Variants in FREM3 observed in about 807,000 individuals in gnomAD.
FREM3 encodes FRAS1 related extracellular matrix 3.
Under a neutral mutation model 129.1 loss-of-function variants are expected in FREM3, and 105 were observed. The ratio of observed to expected loss-of-function variants is 0.81; its 90% CI spans 0.69 to 0.96. FREM3 has a LOEUF of 0.96. Ranked by LOEUF, FREM3 falls within the 40% of genes least tolerant of loss-of-function variation. The probability of loss-of-function intolerance (pLI) is 0.00; values close to 1 mark genes in which losing one functional copy is unlikely to be tolerated. For missense variants in FREM3, 2,593 were observed against 2,666.3 expected, an observed-to-expected ratio of 0.97 and a Z score of 0.61; for synonymous variants, 1,014 against 1,044.9, an observed-to-expected ratio of 0.97 and a Z score of 0.57.
chr4:143,623,496 C>A lies in FREM3; in HGVS notation c.5653+612G>T, dbSNP rs961288958. Among the ~76,000 whole-genome samples, 6 of 87,892 alleles carry A rather than the reference C, an allele frequency of 6.8e-5. No individual in the cohort carries two copies. In the East Asian group the frequency reaches 1.0e-3, roughly 15 times the overall value. 57.7% of individuals were successfully genotyped at this position (87,892 alleles called of 152,430 possible). ...GAAATTCAAAGATGAATACTAATCC[C>A]CCCCCCCCCCCACCATTTAGGGAAT... On this transcript the variant is annotated intron_variant, in intron 4 of 7. Coordinates refer to ENST00000329798, the MANE Select transcript of FREM3 (RefSeq NM_001168235.2).
intron 6 of FREM3, among the ~76,000 whole-genome samples, chr4:143,593,595 A>T (rs1294017109): frequency 6.6e-6 from 1 of 152,164 alleles, no homozygotes; most frequent in African/African-American, 2.4e-5. Context: ...TTCCTCTGGA[A>T]GTTTTGTCTC....
chr4:143,617,755 G>C (rs1738876977), intron 5 of FREM3, among the ~76,000 whole-genome samples: 1 of 152,202 alleles, frequency 6.6e-6, no homozygotes, highest in Non-Finnish European at 1.5e-5. Context: ...TTTCTCCTTA[G>C]CTAGCTGATC....
chr4:143,637,024 G>A lies in FREM3; in HGVS notation c.5276-9264C>T, dbSNP rs138641287. Among the ~76,000 whole-genome samples the A allele has an allele frequency of 6.0e-3, 918 of 152,208 alleles. 3 individuals carry two copies. The highest frequency in any genetic ancestry group is 0.01 in the Non-Finnish European group (705 of 68,004). On this transcript the variant is annotated intron_variant, in intron 2 of 7. Coordinates refer to ENST00000329798, the MANE Select transcript of FREM3 (RefSeq NM_001168235.2). ...TTTTCAAATAGCTTCATTGTCATAA[G>A]CATTTAGCTTCTACAGCTCACACCA...
At position 143,698,641 on chromosome 4, in the gene FREM3, C is replaced by G. The variant is rs1464551077; in HGVS notation, c.2035G>C (p.Asp679His). The G allele has an allele frequency of 6.5e-7, 1 of 1,537,768 alleles. No homozygotes were observed. Among genetic ancestry groups the G allele is most frequent in the South Asian group, 1.2e-5 (1 of 84,050 alleles). The change falls in exon 1 of 8, where the codon GAC becomes CAC. Residue 679 changes from aspartate to histidine, a missense_variant. Transcript: ENST00000329798. ...MVQLAFHVQDDHDPPNLSKQH... is the reference protein window; with the variant it reads ...MVQLAFHVQDHHDPPNLSKQH... ...TTGGAGAGATTGGGTGGGTCATGGTCATCCTGCACATGGAAAGCCAGCTGG... is the reference window on the plus strand; with the variant it reads ...TTGGAGAGATTGGGTGGGTCATGGTGATCCTGCACATGGAAAGCCAGCTGG...
chr4:143,636,210 TAAAGAAAAAA>T (rs923986758), intron 2 of FREM3, among the ~76,000 whole-genome samples: 1 of 147,106 alleles, frequency 6.8e-6, no homozygotes, highest in African/African-American at 2.5e-5. Context: ...CCTAATGTTC[TAAAGAAAAAA>T]AAAGAAAGGA....
intron 2 of FREM3, among the ~76,000 whole-genome samples, chr4:143,660,769 G>A (rs1418802915): frequency 3.3e-5 from 5 of 151,980 alleles, no homozygotes; most frequent in Non-Finnish European, 4.4e-5. Flanking sequence ...TTGAGCAGTG[G>A]TTTGTAGTTC....
At position 143,695,793 on chromosome 4, in the gene FREM3, G is replaced by A. The variant is rs1740555044; in HGVS notation, c.4883C>T (p.Thr1628Ile). The A allele has an allele frequency of 6.5e-7, 1 of 1,537,172 alleles. No homozygotes were observed. Among genetic ancestry groups the A allele is most frequent in the South Asian group, 1.2e-5 (1 of 84,062 alleles). Residue 1628 changes from threonine to isoleucine, a missense_variant, in exon 1 of 8, where the codon ACT becomes ATT. Physicochemically the swap from Thr to Ile is moderately conservative, Grantham distance 89 (BLOSUM62 -1). This residue lies in a region of FREM3 where 2,276 missense variants were observed against 2,267.2 expected (regional missense o/e 1.00). Transcript: ENST00000329798. ...DSFSLTVTDGTHTDFYVLPDT... is the reference protein window; with the variant it reads ...DSFSLTVTDGIHTDFYVLPDT... ...TGGTAGGACATAGAAATCAGTGTGA[G>A]TGCCGTCTGTCACAGTCAAGGAGAA...
intron 2 of FREM3, among the ~76,000 whole-genome samples, chr4:143,689,280 C>A (rs1714601470): frequency 6.6e-6 from 1 of 152,018 alleles, no homozygotes; most frequent in Non-Finnish European, 1.5e-5. Context: ...AAAAAATGCC[C>A]AACATCACTA....
rs562644174 is a variant in FREM3, at chr4:143,585,094, C to A, written c.6178+750G>T. ...TTTGAAACTAATGAGAACAAAGATA[C>A]AACATACCAGAACTTCTGGGACACA... is the stretch of plus-strand genomic sequence containing the variant. On this transcript the variant is annotated intron_variant, in intron 7 of 7. Transcript: ENST00000329798. The surrounding 1 kb of genome is among the most constrained non-coding windows in gnomAD (Gnocchi z 4.2). Among the ~76,000 whole-genome samples the A allele has an allele frequency of 1.1e-4, 16 of 152,098 alleles. No homozygotes were observed. Among genetic ancestry groups the A allele is most frequent in the Non-Finnish European group, 1.9e-4 (13 of 67,996 alleles).
intron 6 of FREM3, among the ~76,000 whole-genome samples, chr4:143,605,718 A>G (rs1430204110): frequency 6.6e-6 from 1 of 152,172 alleles, no homozygotes; most frequent in Non-Finnish European, 1.5e-5. Flanking sequence ...TGTGCAGCCA[A>G]TAAAGACACT....
chr4:143,586,615 A>G (rs1738248833), intron 6 of FREM3, among the ~76,000 whole-genome samples: 1 of 152,216 alleles, frequency 6.6e-6, no homozygotes, highest in Non-Finnish European at 1.5e-5. Context: ...CACAGACACC[A>G]GGCTTCAGCG....
At chr4:143,592,591 A>T (rs1738386717) in intron 6 of FREM3, among the ~76,000 whole-genome samples, 1 of 152,146 alleles carries the variant, frequency 6.6e-6, no homozygotes, top group Non-Finnish European at 1.5e-5. Context: ...TGGCTTGTAG[A>T]GTTTCTGCTG....
intron 2 of FREM3, among the ~76,000 whole-genome samples, chr4:143,678,658 G>A (rs1457963792): frequency 5.3e-5 from 8 of 151,908 alleles, no homozygotes; most frequent in Admixed American, 1.3e-4. Flanking sequence ...CAATATTTCT[G>A]GTGCTAAGAA....
chr4:143,685,742 G>A (rs971494615), intron 2 of FREM3, among the ~76,000 whole-genome samples: 13 of 152,052 alleles, frequency 8.5e-5, no homozygotes, highest in Admixed American at 2.0e-4. Context: ...CTTCATCCAT[G>A]TCCAAACTAA....
chr4:143,693,022 A>G lies in FREM3; in HGVS notation c.5275+91T>C, dbSNP rs996614115. ...GTGATTACTTGCTTACATGATGCCT[A>G]TACTTGCCCAGAAATGATTTAATTT... is the stretch of plus-strand genomic sequence containing the variant. On this transcript the variant is annotated intron_variant, in intron 2 of 7. Transcript: ENST00000329798. 7 of 550,996 alleles carry G rather than the reference A, an allele frequency of 1.3e-5. No individual in the cohort carries two copies. The Admixed American group carries it at 1.8e-4, about 14-fold the overall frequency. The allele number at this position is 550,996 out of a possible 1,614,324, so 34.1% of individuals were successfully genotyped here.
At chr4:143,653,641 A>C (rs1739548995) in intron 2 of FREM3, among the ~76,000 whole-genome samples, 1 of 152,210 alleles carries the variant, frequency 6.6e-6, no homozygotes, top group South Asian at 2.1e-4. Flanking sequence ...CATAACACTC[A>C]AGGACGAGAG....
chr4:143,666,194 A>G (rs918343469), intron 2 of FREM3, among the ~76,000 whole-genome samples: 4 of 152,070 alleles, frequency 2.6e-5, no homozygotes, highest in African/African-American at 7.2e-5. Flanking sequence ...AAAGCCTACA[A>G]TCCCCTTCAT....
At chr4:143,609,519 C>G (rs1485241897) in intron 6 of FREM3, among the ~76,000 whole-genome samples, 1 of 152,086 alleles carries the variant, frequency 6.6e-6, no homozygotes, top group African/African-American at 2.4e-5. Flanking sequence ...TCCCTTTCTC[C>G]CTTCTCACTC....
intron 5 of FREM3, among the ~76,000 whole-genome samples, chr4:143,618,397 T>TA (rs1052126463): frequency 9.9e-5 from 15 of 151,308 alleles, no homozygotes; most frequent in Admixed American, 1.3e-4. Flanking sequence ...TGTTTGTGGT[T>TA]AAAAAAAAGA....
Sources: gnomAD v4.1 joint callset for allele counts (sites outside exome capture counted in the v4.1 genomes callset) on GRCh38, gnomAD v4.1.1 for gene constraint, gnomAD v4.1.1 regional missense constraint, Gnocchi (gnomAD v3.1) non-coding constraint, MANE v1.5 for transcripts, NCBI Gene and HGNC (gene_info 2026-07-23, HGNC 2026-07-21) for gene names.